Variants in MARCHF11 observed in about 807,000 individuals in gnomAD.
MARCHF11 encodes the protein E3 ubiquitin-protein ligase MARCHF11.
In MARCHF11, 29 loss-of-function variants were observed where a neutral mutation model predicts 37.3. That is an observed-to-expected ratio of 0.78 (90% CI 0.58 to 1.06). MARCHF11 has a LOEUF of 1.06. MARCHF11 is among the 50% of genes least tolerant of loss of function. The pLI, the probability that MARCHF11 is intolerant of heterozygous loss-of-function variation, is 0.00. For missense variants in MARCHF11, 482 were observed against 533.4 expected, an observed-to-expected ratio of 0.90 and a Z score of 0.95; for synonymous variants, 233 against 228.0, an observed-to-expected ratio of 1.02 and a Z score of -0.20.
rs1448937022 is a variant in MARCHF11, at chr5:16,150,309, T to C, written c.693+27417A>G. Among the ~76,000 whole-genome samples, 4 of 149,372 alleles carry C rather than the reference T, an allele frequency of 2.7e-5. 1 individual carries two copies. Among genetic ancestry groups the C allele is most frequent in the African/African-American group, 1.0e-4 (4 of 38,936 alleles). ...TAGTAAGTAGTGTGAGAGTCTTGTC[T>C]TTCCAGGCCCTGGTAGCCAGTCACA... On this transcript the variant is annotated intron_variant, in intron 2 of 3. Transcript: ENST00000332432.
intron 2 of MARCHF11, among the ~76,000 whole-genome samples, chr5:16,168,187 G>C (rs942420430): frequency 2.6e-5 from 4 of 152,034 alleles, no homozygotes; most frequent in Non-Finnish European, 4.4e-5. Flanking sequence ...TCTCTTTCAA[G>C]TTTTCTTTTC....
Position 16,179,496 on chromosome 5 carries a change from G to C in MARCHF11, c.80C>G (p.Pro27Arg). 8.6e-6 allele frequency: 10 copies of C among 1,162,960 alleles called. No homozygotes were observed. Among genetic ancestry groups the C allele is most frequent in the Non-Finnish European group, 1.1e-5 (10 of 944,304 alleles). The allele number at this position is 1,162,960 out of a possible 1,614,324, so 72.0% of individuals were successfully genotyped here. Residue 27 changes from proline (P) to arginine (R), a missense_variant, in exon 1 of 4, where the codon CCC becomes CGC. Pro to Arg is a moderately radical substitution (Grantham distance 103). Coordinates refer to ENST00000332432, the MANE Select transcript of MARCHF11 (RefSeq NM_001102562.3). ...CGGCGGCGTCGGCGGCGGCGGCGGG[G>C]GAGGTTGCGGGGGAGGCTCGGCGTC... is the stretch of plus-strand genomic sequence containing the variant. ...SGDAEPPPQP[P>R]PPPPPTPPPG...
Position 16,122,518 on chromosome 5 carries a change from G to A in MARCHF11, c.694-31437C>T, listed in dbSNP as rs117487892. 3.5e-4 allele frequency among the ~76,000 whole-genome samples: 53 copies of A among 152,296 alleles called. No homozygotes were observed. The East Asian group carries it at 8.1e-3, about 23-fold the overall frequency. On this transcript the variant is annotated intron_variant, in intron 2 of 3. Coordinates refer to ENST00000332432, the MANE Select transcript of MARCHF11 (RefSeq NM_001102562.3). The stretch of plus-strand genomic sequence containing the variant: ...GAAGAATTCAACAAATGTTAACAGT[G>A]TACAATGTGGCTTTCTTGTCTCCAT...
intron 3 of MARCHF11, among the ~76,000 whole-genome samples, chr5:16,082,715 A>G (rs771717912): frequency 6.6e-6 from 1 of 152,212 alleles, no homozygotes; most frequent in Non-Finnish European, 1.5e-5. Context: ...AGTCTCCAAA[A>G]GGAAATACTA....
intron 2 of MARCHF11, among the ~76,000 whole-genome samples, chr5:16,115,581 G>C (rs116082937): frequency 0.013 from 1,909 of 151,762 alleles, 35 homozygotes; most frequent in African/African-American, 0.041. Context: ...GGAATAAAAA[G>C]ATGTACACAA....
chr5:16,164,286 G>T (rs1191888915), intron 2 of MARCHF11, among the ~76,000 whole-genome samples: 1 of 151,664 alleles, frequency 6.6e-6, no homozygotes, highest in African/African-American at 2.4e-5. Context: ...ATAATTGAAT[G>T]GAGAAACAGA....
chr5:16,139,696 A>T (rs1027353849), intron 2 of MARCHF11, among the ~76,000 whole-genome samples: 3 of 152,314 alleles, frequency 2.0e-5, no homozygotes, highest in Admixed American at 6.5e-5. Context: ...AACACTATAA[A>T]TATGGTATCA....
chr5:16,133,814 AT>A (rs965391358), intron 2 of MARCHF11, among the ~76,000 whole-genome samples: 15 of 151,842 alleles, frequency 9.9e-5, no homozygotes, highest in Non-Finnish European at 2.1e-4. Context: ...TAAAAAAAAA[AT>A]CTCATAAGGT....
chr5:16,150,872 G>C (rs1579413811), intron 2 of MARCHF11, among the ~76,000 whole-genome samples: 1 of 151,836 alleles, frequency 6.6e-6, no homozygotes, highest in African/African-American at 2.4e-5. Context: ...GAACATTGTG[G>C]AAAAAAACGT....
intron 2 of MARCHF11, among the ~76,000 whole-genome samples, chr5:16,148,142 G>C (rs1737828507): frequency 6.6e-6 from 1 of 151,934 alleles, no homozygotes; most frequent in Non-Finnish European, 1.5e-5. Context: ...ACTTTCAACA[G>C]CATATCCATT....
chr5:16,082,315 T>C (rs550156708), intron 3 of MARCHF11, among the ~76,000 whole-genome samples: 5 of 152,348 alleles, frequency 3.3e-5, no homozygotes, highest in Admixed American at 2.6e-4. Flanking sequence ...CATGCTAAGA[T>C]AGTCTGAAGC....
At chr5:16,085,545 G>C (rs1447124188) in intron 3 of MARCHF11, among the ~76,000 whole-genome samples, 1 of 146,504 alleles carries the variant, frequency 6.8e-6, no homozygotes, top group Non-Finnish European at 1.5e-5. Flanking sequence ...TCCATAGTTG[G>C]CATGGTATGA....
chr5:16,162,979 C>A (rs1181814159), intron 2 of MARCHF11, among the ~76,000 whole-genome samples: 2 of 151,956 alleles, frequency 1.3e-5, no homozygotes, highest in Non-Finnish European at 2.9e-5. Flanking sequence ...AGTGGCTGAG[C>A]TGAAATCTGG....
chr5:16,113,955 T>G (rs897216637), intron 2 of MARCHF11, among the ~76,000 whole-genome samples: 2 of 152,186 alleles, frequency 1.3e-5, no homozygotes, highest in Non-Finnish European at 2.9e-5. Flanking sequence ...CCTCCCCACC[T>G]TTCTAAGCGT....
Position 16,090,877 on chromosome 5 carries a change from T to C in MARCHF11, c.886+12A>G. 1 of 1,513,904 alleles carries C rather than the reference T, an allele frequency of 6.6e-7. No homozygotes were observed. Among genetic ancestry groups the C allele is most frequent in the Non-Finnish European group, 8.9e-7 (1 of 1,124,946 alleles). 93.8% of individuals were successfully genotyped at this position (1,513,904 alleles called of 1,614,324 possible). On this transcript the variant is annotated intron_variant, in intron 3 of 3. Transcript: ENST00000332432. ...ACTGACAGTGTGTTAACGTTGAAGG[T>C]CATGGTCTTACCTATGCACACTAGA...
intron 3 of MARCHF11, among the ~76,000 whole-genome samples, chr5:16,086,019 C>A (rs1736693574): frequency 7.1e-6 from 1 of 141,236 alleles, no homozygotes; most frequent in Admixed American, 7.1e-5. Context: ...CAGAATTGTG[C>A]TAAAAGAAAT....
At chr5:16,169,734 G>A (rs747641867) in intron 2 of MARCHF11, among the ~76,000 whole-genome samples, 74 of 152,102 alleles carry the variant, frequency 4.9e-4, no homozygotes, top group Non-Finnish European at 9.1e-4. Flanking sequence ...ACAAACCACA[G>A]TGCAGTTTTT....
At chr5:16,149,453 CTGG>C (rs1397636766) in intron 2 of MARCHF11, among the ~76,000 whole-genome samples, 2 of 152,060 alleles carry the variant, frequency 1.3e-5, no homozygotes, top group African/African-American at 4.8e-5. Context: ...GGAATATGAA[CTGG>C]TAGAAGCATT....
intron 2 of MARCHF11, among the ~76,000 whole-genome samples, chr5:16,106,450 G>T (rs142726664): frequency 9.2e-5 from 14 of 152,328 alleles, no homozygotes; most frequent in African/African-American, 3.1e-4. Context: ...CAGGCAGGAT[G>T]TCTGAGTTCT....
Sources: allele counts gnomAD v4.1 joint callset (sites outside exome capture counted in the v4.1 genomes callset), GRCh38; gene constraint gnomAD v4.1.1; transcripts MANE v1.5; gene names NCBI Gene and HGNC (gene_info 2026-07-23, HGNC 2026-07-21).